COL6A2: variants seen among roughly 807,000 people sequenced by gnomAD.
COL6A2 encodes the protein collagen alpha-2(VI) chain.
In COL6A2, 90 loss-of-function variants were observed where a neutral mutation model predicts 124.9. The ratio of observed to expected loss-of-function variants is 0.72; its 90% CI spans 0.61 to 0.86. COL6A2 has a LOEUF of 0.86. Ranked by LOEUF, COL6A2 falls within the 40% of genes least tolerant of loss-of-function variation. COL6A2 has a pLI of 0.00. For synonymous variants in COL6A2, 793 were observed against 618.2 expected (o/e 1.28, Z -4.19); for missense variants, 1,607 against 1,502.5 (o/e 1.07, Z -1.15).
intron 1 of COL6A2, among the ~76,000 whole-genome samples, chr21:46,102,251 G>C (rs1287849756): frequency 6.6e-6 from 1 of 152,032 alleles, no homozygotes; most frequent in East Asian, 1.9e-4. Flanking sequence ...TATGTATTCT[G>C]CTATTTTGCT....
intron 18 of COL6A2, 111 bp from the exon 19 acceptor site, chr21:46,121,997 G>T (rs2078573848): frequency 6.9e-6 from 8 of 1,154,494 alleles, no homozygotes; most frequent in Non-Finnish European, 1.0e-5. Context: ...GAACTCGACG[G>T]CACCCCTAGC....
intron 3 of COL6A2, 112 bp from the exon 4 acceptor site, chr21:46,112,692 C>A: frequency 6.3e-7 from 1 of 1,598,034 alleles, no homozygotes; most frequent in South Asian, 1.1e-5. Flanking sequence ...GGAGGAAGCT[C>A]CGGGCAGGGC....
intron 1 of COL6A2, among the ~76,000 whole-genome samples, chr21:46,099,983 A>G (rs1233172524): frequency 7.2e-6 from 1 of 138,530 alleles, no homozygotes; most frequent in African/African-American, 2.6e-5. Flanking sequence ...TTTGTGCAGT[A>G]CAAGGCTATT....
intron 19 of COL6A2, 33 bp downstream of exon 19, chr21:46,122,191 A>G: frequency 6.2e-7 from 1 of 1,609,000 alleles, no homozygotes; most frequent in Non-Finnish European, 8.5e-7. Context: ...AGCTCCCAGG[A>G]GTGGGTGGAC....
chr21:46,109,605 C>T (rs1007533023), intron 1 of COL6A2, among the ~76,000 whole-genome samples: 34 of 152,176 alleles, frequency 2.2e-4, no homozygotes, highest in African/African-American at 8.2e-4. Context: ...CCCCCCCAAG[C>T]CTCCCCTCCT....
intron 15 of COL6A2, among the ~76,000 whole-genome samples, chr21:46,120,125 C>CCCCACTGAGGTACCGCTCACCCCCCCGG (rs1555874061): frequency 3.7e-5 from 3 of 81,370 alleles, no homozygotes; most frequent in African/African-American, 6.2e-5. Flanking sequence ...ACCCCCCGGC[C>CCCCACTGAGGTACCGCTCACCCCCCCGG]CCCACTGAGG....
chr21:46,130,267 G>T (rs2078744031), intron 27 of COL6A2, among the ~76,000 whole-genome samples: 1 of 152,210 alleles, frequency 6.6e-6, no homozygotes, highest in African/African-American at 2.4e-5. Flanking sequence ...GCACAGTCGG[G>T]GGAGCATCCA....
Position 46,126,104 on chromosome 21 carries a change from C to T in COL6A2, c.2289C>T (p.Phe763=). 1 of 1,612,770 alleles carries T rather than the reference C, an allele frequency of 6.2e-7. No individual in the cohort carries two copies. The highest frequency in any genetic ancestry group is 2.2e-5 in the East Asian group (1 of 44,878). Residue 763 remains phenylalanine (F), a synonymous_variant, in exon 26 of 28, where the codon TTC becomes TTT. Transcript: ENST00000300527. The part of the protein sequence containing the change: ...TVTAIGIGDM[F]HEKHESENLY... The stretch of plus-strand genomic sequence containing the variant: ...CGGCCATCGGCATCGGGGACATGTT[C>T]CACGAGAAGCACGAGAGTGAAAACC...
chr21:46,117,272 C>A, intron 10 of COL6A2, 128 bp from the exon 11 acceptor site: 1 of 931,058 alleles, frequency 1.1e-6, no homozygotes, highest in African/African-American at 1.6e-5. Flanking sequence ...CTCATGTGGG[C>A]ACCCGTGTGC....
Position 46,116,575 on chromosome 21 carries a change from T to C in COL6A2, c.928-76T>C. 5.0e-6 allele frequency: 8 copies of C among 1,606,084 alleles called. No individual in the cohort carries two copies. The highest frequency in any genetic ancestry group is 6.8e-6 in the Non-Finnish European group (8 of 1,174,570). On this transcript the variant is annotated intron_variant, in intron 8 of 27. Transcript: ENST00000300527. This position sits in a 1 kb window ranked among gnomAD's most constrained non-coding sequence, Gnocchi z 4.6. ...GTGGCCTTGAGTTTGGCCCAAGGGCTTTGCCCCCCAGAGGCAGCAGTGCCC... is the reference window on the plus strand; with the variant it reads ...GTGGCCTTGAGTTTGGCCCAAGGGCCTTGCCCCCCAGAGGCAGCAGTGCCC...
rs982087527 is a variant in COL6A2, at chr21:46,112,272, G to A, written c.409G>A (p.Ala137Thr). The A allele has an allele frequency of 2.3e-5, 37 of 1,612,694 alleles. No homozygotes were observed. The highest frequency in any genetic ancestry group is 2.8e-5 in the Non-Finnish European group (33 of 1,179,964). ...CCGCCGCGGCACCTTCACCGACTGCGCGCTGGCCAACATGACGGAGCAGAT... is the reference window on the plus strand; with the variant it reads ...CCGCCGCGGCACCTTCACCGACTGCACGCTGGCCAACATGACGGAGCAGAT... ...SFRRGTFTDC[A>T]LANMTEQIRQ... The change falls in exon 3 of 28, where the codon GCG becomes ACG. Residue 137 changes from alanine to threonine, a missense_variant. Around this residue, in one of 3 missense-constraint regions of COL6A2, gnomAD observed 342 missense variants for 381.5 expected, o/e 0.90. Coordinates refer to ENST00000300527, the MANE Select transcript of COL6A2 (RefSeq NM_001849.4).
At chr21:46,131,276 G>T (rs1329282980) in intron 27 of COL6A2, among the ~76,000 whole-genome samples, 1 of 152,238 alleles carries the variant, frequency 6.6e-6, no homozygotes, top group African/African-American at 2.4e-5. Context: ...GGCCTGGGTT[G>T]TGGCTATGGC....
At chr21:46,110,349 T>A (rs2078381831) in intron 1 of COL6A2, among the ~76,000 whole-genome samples, 1 of 152,212 alleles carries the variant, frequency 6.6e-6, no homozygotes, top group African/African-American at 2.4e-5. Flanking sequence ...CTTTTTTTTT[T>A]ATCAAGCTTT....
chr21:46,108,668 G>GA (rs1337906956), intron 1 of COL6A2, among the ~76,000 whole-genome samples: 5 of 152,096 alleles, frequency 3.3e-5, no homozygotes, highest in Non-Finnish European at 7.3e-5. Flanking sequence ...ATGTTAATGT[G>GA]ACTTACATTA....
chr21:46,109,188 G>C (rs575442402), intron 1 of COL6A2, among the ~76,000 whole-genome samples: 1 of 152,254 alleles, frequency 6.6e-6, no homozygotes, highest in South Asian at 2.1e-4. Context: ...TCTCAGCAGA[G>C]AGAAAGCCCT....
At chr21:46,130,438 C>T (rs1026498452) in intron 27 of COL6A2, among the ~76,000 whole-genome samples, 2 of 152,226 alleles carry the variant, frequency 1.3e-5, no homozygotes, top group Non-Finnish European at 2.9e-5. Context: ...GGGCTCCTGC[C>T]GGGCACGGCT....
At chr21:46,099,673 G>T (rs1276179184) in intron 1 of COL6A2, among the ~76,000 whole-genome samples, 1 of 152,102 alleles carries the variant, frequency 6.6e-6, no homozygotes, top group African/African-American at 2.4e-5. Context: ...GCTGGGACGG[G>T]GCTGCCCAGG....
In COL6A2 at chr21:46,116,525, G is replaced by A; in HGVS notation, c.927+122G>A. Reference sequence around the variant, plus strand: ...CCGGCCTGGTCTTTTCTCAGTGGTGGCTTTGGGGGCTCCTGGGGGGTCCTG... The same window carrying A: ...CCGGCCTGGTCTTTTCTCAGTGGTGACTTTGGGGGCTCCTGGGGGGTCCTG... On this transcript the variant is annotated intron_variant, in intron 8 of 27. Coordinates refer to ENST00000300527, the MANE Select transcript of COL6A2 (RefSeq NM_001849.4). This position sits in a 1 kb window ranked among gnomAD's most constrained non-coding sequence, Gnocchi z 4.6. The A allele has an allele frequency of 6.3e-7, 1 of 1,575,178 alleles. No homozygotes were observed. The highest frequency in any genetic ancestry group is 1.1e-5 in the South Asian group (1 of 89,734).
intron 3 of COL6A2, 28 bp downstream of exon 3, chr21:46,112,605 C>T (rs912159857): frequency 2.2e-5 from 36 of 1,610,026 alleles, no homozygotes; most frequent in African/African-American, 2.7e-5. Context: ...GCACCGTCCA[C>T]GCGCCAGGGG....
Sources: gnomAD v4.1 joint callset for allele counts (sites outside exome capture counted in the v4.1 genomes callset) on GRCh38, gnomAD v4.1.1 for gene constraint, gnomAD v4.1.1 regional missense constraint, Gnocchi (gnomAD v3.1) non-coding constraint, MANE v1.5 for transcripts, NCBI Gene and HGNC (gene_info 2026-07-23, HGNC 2026-07-21) for gene names.